ALK: variants seen among roughly 807,000 people sequenced by gnomAD.
ALK encodes the protein ALK receptor tyrosine kinase, also known as ALK tyrosine kinase receptor.
In ALK, 74 loss-of-function variants were observed where a neutral mutation model predicts 163.1. The observed-to-expected ratio is 0.45, with a 90% CI of 0.38 to 0.55. The LOEUF is 0.55. Among genes scored for constraint, ALK ranks in the 20% least tolerant of loss-of-function variants. The pLI, the probability that ALK is intolerant of heterozygous loss-of-function variation, is 0.00. For missense variants in ALK, 2,063 were observed against 2,105.3 expected (o/e 0.98, Z 0.39); for synonymous variants, 960 against 843.2 (o/e 1.14, Z -2.40).
At chr2:29,296,587 G>T (rs896758621) in intron 9 of ALK, among the ~76,000 whole-genome samples, 1 of 152,226 alleles carries the variant, frequency 6.6e-6, no homozygotes, top group Admixed American at 6.5e-5. Context: ...GGAAATGTGA[G>T]TTGTTCAATT....
intron 3 of ALK, among the ~76,000 whole-genome samples, chr2:29,620,419 AC>A (rs1213982172): frequency 2.0e-5 from 3 of 148,152 alleles, no homozygotes; most frequent in Non-Finnish European, 4.4e-5. Context: ...ATTGGCAACA[AC>A]CCTATTTTCA....
chr2:29,884,022 T>C (rs1212293136), intron 1 of ALK, among the ~76,000 whole-genome samples: 1 of 152,200 alleles, frequency 6.6e-6, no homozygotes, highest in African/African-American at 2.4e-5. Context: ...GCATTGTTCA[T>C]AATTGAGAGA....
intron 4 of ALK, among the ~76,000 whole-genome samples, chr2:29,499,206 C>G (rs184765343): frequency 6.6e-6 from 1 of 152,068 alleles, no homozygotes; most frequent in Admixed American, 6.5e-5. Context: ...TCCAGGGTCT[C>G]CTTTTTTTTT....
intron 5 of ALK, among the ~76,000 whole-genome samples, chr2:29,381,681 T>G (rs1224921998): frequency 6.6e-6 from 1 of 152,176 alleles, no homozygotes; most frequent in Non-Finnish European, 1.5e-5. Context: ...CCTATTCACC[T>G]CCTTCAAAGA....
chr2:29,595,354 G>GCT (rs1407488741), intron 3 of ALK, among the ~76,000 whole-genome samples: 2 of 136,202 alleles, frequency 1.5e-5, no homozygotes, highest in Non-Finnish European at 3.0e-5. Context: ...ACAGAGTCTC[G>GCT]CTGTCACCCA....
At chr2:29,841,942 G>C (rs988156958) in intron 1 of ALK, among the ~76,000 whole-genome samples, 5 of 151,974 alleles carry the variant, frequency 3.3e-5, no homozygotes, top group African/African-American at 1.2e-4. Flanking sequence ...ATGACGTATA[G>C]GCTATGCAGG....
intron 4 of ALK, among the ~76,000 whole-genome samples, chr2:29,396,457 C>T (rs938133698): frequency 2.6e-5 from 4 of 152,050 alleles, no homozygotes; most frequent in Admixed American, 6.6e-5. Context: ...GGGCGGATCA[C>T]GAGGTCAGGA....
intron 5 of ALK, among the ~76,000 whole-genome samples, chr2:29,367,049 T>C (rs1009884859): frequency 3.3e-5 from 5 of 151,580 alleles, no homozygotes; most frequent in Non-Finnish European, 7.4e-5. Flanking sequence ...TGGGCCGTCC[T>C]CTTTTTGAAA....
intron 3 of ALK, among the ~76,000 whole-genome samples, chr2:29,677,031 G>C (rs1172583963): frequency 6.6e-6 from 1 of 151,668 alleles, no homozygotes; most frequent in African/African-American, 2.4e-5. Flanking sequence ...TTCATTTTTT[G>C]TGAATTCTTT....
intron 2 of ALK, among the ~76,000 whole-genome samples, chr2:29,711,947 A>G (rs1679116790): frequency 6.6e-6 from 1 of 152,066 alleles, no homozygotes; most frequent in Admixed American, 6.6e-5. Flanking sequence ...TTCTCTTATT[A>G]TATTTTATTC....
chr2:29,251,001 C>T, intron 12 of ALK, 104 bp downstream of exon 12: 1 of 1,262,660 alleles, frequency 7.9e-7, no homozygotes, highest in Non-Finnish European at 1.1e-6. Context: ...TGCCTTTGAA[C>T]CTTGACATGC....
intron 4 of ALK, among the ~76,000 whole-genome samples, chr2:29,397,574 A>C (rs997510537): frequency 2.0e-5 from 3 of 152,250 alleles, no homozygotes; most frequent in African/African-American, 7.2e-5. Flanking sequence ...AACAAACTTT[A>C]AAAGTATTTT....
At chr2:29,651,427 T>C (rs1013261364) in intron 3 of ALK, among the ~76,000 whole-genome samples, 4 of 152,206 alleles carry the variant, frequency 2.6e-5, no homozygotes, top group African/African-American at 9.6e-5. Flanking sequence ...CCAAGGTCAA[T>C]GTCTTCTGCG....
intron 5 of ALK, among the ~76,000 whole-genome samples, chr2:29,337,763 A>G (rs996354490): frequency 6.6e-6 from 1 of 152,174 alleles, no homozygotes; most frequent in African/African-American, 2.4e-5. Context: ...TCCTTGGTCC[A>G]GTATTCTCAA....
intron 3 of ALK, among the ~76,000 whole-genome samples, chr2:29,673,145 G>A (rs1438060189): frequency 6.9e-6 from 1 of 145,540 alleles, no homozygotes; most frequent in Non-Finnish European, 1.5e-5. Flanking sequence ...CACTCTGATG[G>A]TAGTTTCTTT....
chr2:29,494,279 C>T (rs1671972055), intron 4 of ALK, among the ~76,000 whole-genome samples: 2 of 152,266 alleles, frequency 1.3e-5, no homozygotes, highest in South Asian at 4.2e-4. Context: ...TTTGAGGCCT[C>T]CAGACCTGGT....
intron 2 of ALK, among the ~76,000 whole-genome samples, chr2:29,712,666 C>A (rs935081098): frequency 1.1e-4 from 17 of 151,536 alleles, no homozygotes; most frequent in African/African-American, 4.1e-4. Flanking sequence ...TCTTTTCAAT[C>A]AAAGAAATTG....
chr2:29,500,817 G>A (rs1573406296), intron 4 of ALK, among the ~76,000 whole-genome samples: 1 of 152,080 alleles, frequency 6.6e-6, no homozygotes, highest in South Asian at 2.1e-4. Flanking sequence ...ATTTCTCCAG[G>A]CTTTCTGGGA....
At chr2:29,319,711 T>C (rs2148249724) in intron 7 of ALK, among the ~76,000 whole-genome samples, 1 of 152,248 alleles carries the variant, frequency 6.6e-6, no homozygotes, top group East Asian at 1.9e-4. Flanking sequence ...GGATGCTTAT[T>C]TGCTATGGGT....
Sources: allele counts gnomAD v4.1 joint callset (sites outside exome capture counted in the v4.1 genomes callset), GRCh38; gene constraint gnomAD v4.1.1; transcripts MANE v1.5; gene names NCBI Gene and HGNC (gene_info 2026-07-23, HGNC 2026-07-21).